The following ASTN2 variants were observed in gnomAD, a reference collection of about 807,000 sequenced individuals.
ASTN2 encodes astrotactin 2.
In ASTN2, 54 loss-of-function variants were observed where a neutral mutation model predicts 139.8. The ratio of observed to expected loss-of-function variants is 0.39; its 90% CI spans 0.31 to 0.48. The LOEUF is 0.48. Ranked by LOEUF, ASTN2 falls within the 20% of genes least tolerant of loss-of-function variation. The pLI, the probability that ASTN2 is intolerant of heterozygous loss-of-function variation, is 0.95. For missense variants in ASTN2, 1,565 were observed against 1,725.1 expected, an observed-to-expected ratio of 0.91 and a Z score of 1.64; for synonymous variants, 756 against 719.5, an observed-to-expected ratio of 1.05 and a Z score of -0.81.
At chr9:117,277,877 G>A (rs542072989) in intron 2 of ASTN2, among the ~76,000 whole-genome samples, 4 of 152,196 alleles carry the variant, frequency 2.6e-5, no homozygotes, top group East Asian at 1.9e-4. Context: ...GTAAGTGCTC[G>A]GTATTATTTC....
At chr9:116,715,528 T>G (rs898147231) in intron 16 of ASTN2, among the ~76,000 whole-genome samples, 2 of 152,126 alleles carry the variant, frequency 1.3e-5, no homozygotes, top group Non-Finnish European at 2.9e-5. Flanking sequence ...TAGACATCTT[T>G]TCCTCCAGGA....
chr9:116,499,349 T>A (rs1309037136), intron 19 of ASTN2, among the ~76,000 whole-genome samples: 1 of 152,174 alleles, frequency 6.6e-6, no homozygotes, highest in Admixed American at 6.6e-5. Context: ...GGAGAGGTAC[T>A]CATGACTCAG....
intron 19 of ASTN2, among the ~76,000 whole-genome samples, chr9:116,497,474 G>C (rs756822063): frequency 2.0e-5 from 3 of 152,116 alleles, no homozygotes; most frequent in Non-Finnish European, 4.4e-5. Context: ...AGAACGGCAA[G>C]GACTGCTTTT....
chr9:117,002,290 A>C (rs998092846), intron 7 of ASTN2, among the ~76,000 whole-genome samples: 1 of 152,238 alleles, frequency 6.6e-6, no homozygotes, highest in African/African-American at 2.4e-5. Context: ...GAAGTAATCC[A>C]TTCTACTGAG....
At chr9:117,379,772 T>C (rs966299227) in intron 1 of ASTN2, among the ~76,000 whole-genome samples, 3 of 152,178 alleles carry the variant, frequency 2.0e-5, no homozygotes, top group African/African-American at 7.2e-5. Context: ...GAAAGTTCCA[T>C]AATTGTTCTC....
At chr9:116,770,080 G>C (rs925654570) in intron 13 of ASTN2, among the ~76,000 whole-genome samples, 22 of 146,560 alleles carry the variant, frequency 1.5e-4, no homozygotes, top group African/African-American at 5.6e-4. Context: ...TAAATTGGGG[G>C]CATAAACAAG....
intron 19 of ASTN2, among the ~76,000 whole-genome samples, chr9:116,555,502 T>C (rs565637277): frequency 6.6e-6 from 1 of 152,180 alleles, no homozygotes; most frequent in African/African-American, 2.4e-5. Flanking sequence ...GGAATGGGCT[T>C]TCCTCTCCCG....
chr9:117,286,018 A>G (rs528298037), intron 2 of ASTN2, among the ~76,000 whole-genome samples: 2 of 152,360 alleles, frequency 1.3e-5, no homozygotes, highest in South Asian at 2.1e-4. Flanking sequence ...AACAGTTTCT[A>G]TCTAGTAACT....
chr9:116,487,443 G>A lies in ASTN2; in HGVS notation c.3413C>T (p.Ala1138Val). 1 of 1,614,024 alleles carries A rather than the reference G, an allele frequency of 6.2e-7. No homozygotes were observed. The change falls in exon 20 of 23, where the codon GCA (alanine) becomes GTA (valine). Residue 1138 changes from alanine to valine, a missense_variant. This residue lies in a region of ASTN2 where 418 missense variants were observed against 465.8 expected (regional missense o/e 0.90). Transcript: ENST00000313400. ...LLSGLGTSCV[A>V]AGRSHGEVPE... Reference sequence around the variant, plus strand: ...GACCTCTCCATGGCTTCGACCAGCTGCTACACAAGATGTGCCCAGGCCAGA... The same window carrying A: ...GACCTCTCCATGGCTTCGACCAGCTACTACACAAGATGTGCCCAGGCCAGA...
At chr9:117,028,512 C>A (rs1255523876) in intron 6 of ASTN2, among the ~76,000 whole-genome samples, 1 of 152,132 alleles carries the variant, frequency 6.6e-6, no homozygotes, top group Non-Finnish European at 1.5e-5. Flanking sequence ...CAGACTCCCA[C>A]TGGCATCAGA....
At chr9:116,852,569 C>G (rs1832636166) in intron 11 of ASTN2, among the ~76,000 whole-genome samples, 1 of 152,050 alleles carries the variant, frequency 6.6e-6, no homozygotes. Flanking sequence ...AAAGGGATTT[C>G]AAAATACCTG....
At chr9:116,458,517 G>A (rs1489820100) in intron 20 of ASTN2, among the ~76,000 whole-genome samples, 4 of 150,770 alleles carry the variant, frequency 2.7e-5, no homozygotes, top group Non-Finnish European at 3.0e-5. Flanking sequence ...ATAAAAATTC[G>A]AAATAAAAAA....
intron 20 of ASTN2, among the ~76,000 whole-genome samples, chr9:116,464,337 T>A (rs917057982): frequency 4.6e-5 from 7 of 152,102 alleles, no homozygotes; most frequent in African/African-American, 1.7e-4. Context: ...GTCATATAGA[T>A]TTTTGTGAGG....
At chr9:117,285,786 T>G (rs1834434312) in intron 2 of ASTN2, among the ~76,000 whole-genome samples, 1 of 152,218 alleles carries the variant, frequency 6.6e-6, no homozygotes, top group Non-Finnish European at 1.5e-5. Flanking sequence ...ATGAGAATTT[T>G]GACCTCTTGG....
chr9:117,390,206 A>G (rs1408377835), intron 1 of ASTN2, among the ~76,000 whole-genome samples: 1 of 152,222 alleles, frequency 6.6e-6, no homozygotes, highest in African/African-American at 2.4e-5. Flanking sequence ...TATTAGTTTT[A>G]GGTTTAGAGA....
At chr9:116,884,964 C>T (rs567298582) in intron 10 of ASTN2, among the ~76,000 whole-genome samples, 117 of 151,930 alleles carry the variant, frequency 7.7e-4, no homozygotes, top group African/African-American at 2.5e-3. Context: ...TACAGGCGCC[C>T]GCCACTGTGC....
intron 11 of ASTN2, among the ~76,000 whole-genome samples, chr9:116,831,057 C>A (rs1256530782): frequency 6.6e-6 from 1 of 151,326 alleles, no homozygotes; most frequent in Non-Finnish European, 1.5e-5. Context: ...ATGGATAGAA[C>A]TGGAGGCCTT....
At chr9:117,402,379 A>G (rs2130963931) in intron 1 of ASTN2, among the ~76,000 whole-genome samples, 1 of 152,318 alleles carries the variant, frequency 6.6e-6, no homozygotes, top group South Asian at 2.1e-4. Context: ...AAATCATTTA[A>G]GAAGCAAAAC....
At chr9:116,801,320 C>T (rs1035554324) in intron 13 of ASTN2, among the ~76,000 whole-genome samples, 1 of 151,872 alleles carries the variant, frequency 6.6e-6, no homozygotes, top group African/African-American at 2.4e-5. Flanking sequence ...GGGTGGCTCA[C>T]GCCTGTAATC....
Sources: allele counts gnomAD v4.1 joint callset (sites outside exome capture counted in the v4.1 genomes callset), GRCh38; gene constraint gnomAD v4.1.1; regional missense constraint gnomAD v4.1.1; transcripts MANE v1.5; gene names NCBI Gene and HGNC (gene_info 2026-07-23, HGNC 2026-07-21).